TASP1: variants seen among roughly 807,000 people sequenced by gnomAD.
TASP1 encodes taspase 1.
A neutral mutation model predicts 56.6 loss-of-function variants in TASP1; 16 were observed. The observed-to-expected ratio is 0.28, with a 90% CI of 0.19 to 0.43. TASP1 has a LOEUF of 0.43. Among genes scored for constraint, TASP1 ranks in the 20% least tolerant of loss-of-function variants. The probability of loss-of-function intolerance (pLI) is 1.00; values close to 1 mark genes in which losing one functional copy is unlikely to be tolerated. For synonymous variants in TASP1, 179 were observed against 184.2 expected (o/e 0.97, Z 0.23); for missense variants, 393 against 511.6 (o/e 0.77, Z 2.24).
At chr20:13,483,947 C>G (rs1600953872) in intron 10 of TASP1, among the ~76,000 whole-genome samples, 1 of 152,080 alleles carries the variant, frequency 6.6e-6, no homozygotes, top group Non-Finnish European at 1.5e-5. Flanking sequence ...ACAATGAACT[C>G]AAACAAATTT....
At chr20:13,537,545 AATGACTGTTAC>A (rs1392410922) in intron 8 of TASP1, among the ~76,000 whole-genome samples, 2 of 152,162 alleles carry the variant, frequency 1.3e-5, no homozygotes, top group Non-Finnish European at 2.9e-5. Context: ...AAAAACATAC[AATGACTGTTAC>A]TATATAGAGC....
chr20:13,325,893 A>C, the TASP1 span, among the ~76,000 whole-genome samples: 2 of 152,188 alleles, frequency 1.3e-5, no homozygotes, highest in African/African-American at 4.8e-5. Context: ...TGAATATAGA[A>C]CACCAATACA....
At chr20:13,270,055 G>A in the TASP1 span, among the ~76,000 whole-genome samples, 1 of 152,118 alleles carries the variant, frequency 6.6e-6, no homozygotes, top group Non-Finnish European at 1.5e-5. Flanking sequence ...TATGGCCCAA[G>A]AACTATATCC....
intron 9 of TASP1, among the ~76,000 whole-genome samples, chr20:13,531,577 G>C (rs1383280117): frequency 6.7e-6 from 1 of 150,254 alleles, no homozygotes; most frequent in Non-Finnish European, 1.5e-5. Context: ...TGCAACCTCA[G>C]CCTCTCAGGT....
the TASP1 span, among the ~76,000 whole-genome samples, chr20:13,342,203 C>T: frequency 1.3e-5 from 2 of 152,226 alleles, no homozygotes; most frequent in African/African-American, 4.8e-5. Context: ...GTGGGCTGGC[C>T]TTCCCAAGTC....
intron 12 of TASP1, among the ~76,000 whole-genome samples, chr20:13,433,647 C>T (rs1368448265): frequency 6.6e-6 from 1 of 151,336 alleles, no homozygotes; most frequent in Non-Finnish European, 1.5e-5. Context: ...TTTTGGGCAC[C>T]TATAGAAAAA....
chr20:13,143,569 G>A, the TASP1 span, among the ~76,000 whole-genome samples: 18 of 152,184 alleles, frequency 1.2e-4, no homozygotes, highest in African/African-American at 3.9e-4. Flanking sequence ...CTGTTTGAGT[G>A]CTTGGCTGAG....
chr20:13,594,022 A>T (rs972181911), intron 4 of TASP1, among the ~76,000 whole-genome samples: 1 of 152,308 alleles, frequency 6.6e-6, no homozygotes, highest in Non-Finnish European at 1.5e-5. Context: ...TCAGGTAGCA[A>T]TATTTGCCAT....
the TASP1 span, among the ~76,000 whole-genome samples, chr20:13,322,271 G>C: frequency 6.6e-6 from 1 of 152,150 alleles, no homozygotes; most frequent in African/African-American, 2.4e-5. Flanking sequence ...ATCTTCAAAG[G>C]CAGTTTGTGC....
At chr20:13,514,764 T>A (rs1466602152) in intron 10 of TASP1, among the ~76,000 whole-genome samples, 1 of 152,058 alleles carries the variant, frequency 6.6e-6, no homozygotes, top group Non-Finnish European at 1.5e-5. Context: ...AAACACAACA[T>A]ACAAATAAGT....
chr20:13,323,611 A>G, the TASP1 span, among the ~76,000 whole-genome samples: 1 of 152,246 alleles, frequency 6.6e-6, no homozygotes, highest in Non-Finnish European at 1.5e-5. Context: ...TTTAATCTTT[A>G]TAACTACCAT....
At chr20:13,372,099 T>C in the TASP1 span, among the ~76,000 whole-genome samples, 4 of 152,234 alleles carry the variant, frequency 2.6e-5, no homozygotes, top group East Asian at 5.8e-4. Context: ...TCTCGTCTGA[T>C]ACCCTCTCAG....
the TASP1 span, among the ~76,000 whole-genome samples, chr20:13,200,590 T>C: frequency 6.6e-6 from 1 of 152,384 alleles, no homozygotes; most frequent in South Asian, 2.1e-4. Context: ...CTTTAAAATA[T>C]GGTTTATTTT....
the TASP1 span, among the ~76,000 whole-genome samples, chr20:13,354,241 T>C: frequency 6.6e-6 from 1 of 152,148 alleles, no homozygotes; most frequent in Non-Finnish European, 1.5e-5. Flanking sequence ...ATCCAAATAA[T>C]AGTTATTCCA....
chr20:13,109,869 C>A, the TASP1 span, among the ~76,000 whole-genome samples: 1 of 152,160 alleles, frequency 6.6e-6, no homozygotes, highest in Non-Finnish European at 1.5e-5. Context: ...GCCTAGGAAA[C>A]CATGCCCCAC....
chr20:13,320,569 G>T, the TASP1 span, among the ~76,000 whole-genome samples: 1 of 152,128 alleles, frequency 6.6e-6, no homozygotes, highest in Non-Finnish European at 1.5e-5. Flanking sequence ...TTAGGATAAG[G>T]CTTGACAGCA....
chr20:13,199,806 A>G, the TASP1 span, among the ~76,000 whole-genome samples: 1 of 152,214 alleles, frequency 6.6e-6, no homozygotes, highest in Non-Finnish European at 1.5e-5. Context: ...CTAGGGATTT[A>G]CAGGTCAAGT....
At chr20:13,634,598 C>T (rs971374060) in intron 1 of TASP1, among the ~76,000 whole-genome samples, 4 of 151,868 alleles carry the variant, frequency 2.6e-5, no homozygotes, top group Non-Finnish European at 2.9e-5. Context: ...GGTGCGGTGG[C>T]GAGCGCCTGT....
At chr20:13,617,301 C>T (rs1332363640) in intron 4 of TASP1, among the ~76,000 whole-genome samples, 2 of 151,902 alleles carry the variant, frequency 1.3e-5, no homozygotes, top group Non-Finnish European at 2.9e-5. Flanking sequence ...CACCTAAGGT[C>T]AAAACTCAAA....
Sources: allele counts gnomAD v4.1 joint callset (sites outside exome capture counted in the v4.1 genomes callset), GRCh38; gene constraint gnomAD v4.1.1; transcripts MANE v1.5; gene names NCBI Gene and HGNC (gene_info 2026-07-23, HGNC 2026-07-21).